PRR16: variants seen among roughly 807,000 people sequenced by gnomAD.
The protein encoded by PRR16 is proline rich 16.
A neutral mutation model predicts 18.2 loss-of-function variants in PRR16; 6 were observed. The ratio of observed to expected loss-of-function variants is 0.33; its 90% CI spans 0.18 to 0.65. The LOEUF (loss-of-function observed/expected upper bound fraction) is 0.65. PRR16 is among the 30% of genes least tolerant of loss of function. The probability of loss-of-function intolerance (pLI) is 0.74; values close to 1 mark genes in which losing one functional copy is unlikely to be tolerated. For synonymous variants in PRR16, 151 were observed against 147.8 expected (o/e 1.02, Z -0.16); for missense variants, 412 against 376.6 (o/e 1.09, Z -0.78).
chr5:120,514,633 C>T (rs1475137059), intron 1 of PRR16, among the ~76,000 whole-genome samples: 1 of 152,198 alleles, frequency 6.6e-6, no homozygotes, highest in Non-Finnish European at 1.5e-5. Flanking sequence ...ATAAGACAGA[C>T]ACAATTTCAC....
intron 1 of PRR16, among the ~76,000 whole-genome samples, chr5:120,466,809 ATT>A (rs1451064039): frequency 6.6e-6 from 1 of 152,138 alleles, no homozygotes; most frequent in Non-Finnish European, 1.5e-5. Flanking sequence ...ATTTTGGAAG[ATT>A]TGTTTGTCTT....
At chr5:120,490,950 G>A (rs893015489) in intron 1 of PRR16, among the ~76,000 whole-genome samples, 15 of 152,176 alleles carry the variant, frequency 9.9e-5, no homozygotes, top group African/African-American at 3.4e-4. Flanking sequence ...TATCAGCAGC[G>A]GAGGCTGCAC....
intron 1 of PRR16, among the ~76,000 whole-genome samples, chr5:120,566,585 C>T (rs1752745831): frequency 6.6e-6 from 1 of 152,006 alleles, no homozygotes; most frequent in African/African-American, 2.4e-5. Flanking sequence ...TATTTTAGAT[C>T]ACTGATTTCA....
intron 1 of PRR16, among the ~76,000 whole-genome samples, chr5:120,553,538 T>C (rs1054407150): frequency 6.6e-6 from 1 of 151,954 alleles, no homozygotes; most frequent in African/African-American, 2.4e-5. Flanking sequence ...GTAAGATCAT[T>C]AGATCATTAT....
chr5:120,747,915 C>T, the PRR16 span, among the ~76,000 whole-genome samples: 1 of 152,000 alleles, frequency 6.6e-6, no homozygotes, highest in Non-Finnish European at 1.5e-5. Flanking sequence ...ATTAGAAAAT[C>T]TACATTTTGT....
chr5:120,544,943 A>T (rs1752030432), intron 1 of PRR16, among the ~76,000 whole-genome samples: 1 of 152,106 alleles, frequency 6.6e-6, no homozygotes, highest in Non-Finnish European at 1.5e-5. Context: ...CTCACAAGTG[A>T]TTTTCTCAGC....
At chr5:120,537,767 ATGT>A (rs1288349179) in intron 1 of PRR16, among the ~76,000 whole-genome samples, 8 of 57,268 alleles carry the variant, frequency 1.4e-4, no homozygotes, top group African/African-American at 4.3e-4. Flanking sequence ...GGAATTTTTA[ATGT>A]TTTTTTTTTT....
the PRR16 span, among the ~76,000 whole-genome samples, chr5:120,701,335 G>A: frequency 6.6e-6 from 1 of 152,132 alleles, no homozygotes; most frequent in African/African-American, 2.4e-5. Flanking sequence ...ACCTTTTAGG[G>A]TCTAGGGCTG....
chr5:120,482,984 C>A (rs1278006581), intron 1 of PRR16, among the ~76,000 whole-genome samples: 2 of 152,078 alleles, frequency 1.3e-5, no homozygotes, highest in African/African-American at 4.8e-5. Flanking sequence ...TTTTAGAATT[C>A]AACTATATTA....
chr5:120,732,791 C>T, the PRR16 span, among the ~76,000 whole-genome samples: 1 of 152,070 alleles, frequency 6.6e-6, no homozygotes, highest in Non-Finnish European at 1.5e-5. Context: ...AGTACAGTGG[C>T]AGATTCTAAT....
chr5:120,515,373 T>A (rs953533569), intron 1 of PRR16, among the ~76,000 whole-genome samples: 4 of 152,144 alleles, frequency 2.6e-5, no homozygotes, highest in Admixed American at 2.0e-4. Context: ...GGGAGACACA[T>A]TCAAACCATA....
In PRR16 at chr5:120,669,336, G is replaced by C. The variant is rs550489573; in HGVS notation, c.160-16618G>C. On this transcript the variant is annotated intron_variant, in intron 1 of 1. Coordinates refer to ENST00000407149, the MANE Select transcript of PRR16 (RefSeq NM_001300783.2). ...CCCTCTTTACCATAGTTCCCTGCTT[G>C]ATGGTGGTGTGTTCATACACCTCCC... Among the ~76,000 whole-genome samples, 33 of 152,100 alleles carry C rather than the reference G, an allele frequency of 2.2e-4. No individual in the cohort carries two copies. In the South Asian group the frequency reaches 6.4e-3, roughly 30 times the overall value.
At chr5:120,750,662 A>G in the PRR16 span, among the ~76,000 whole-genome samples, 253 of 149,142 alleles carry the variant, frequency 1.7e-3, 2 homozygotes, top group African/African-American at 6.1e-3. Flanking sequence ...GTGAGACTCC[A>G]TCTCAAAAAA....
chr5:120,530,320 TAC>T (rs1458048531), intron 1 of PRR16, among the ~76,000 whole-genome samples: 1 of 146,428 alleles, frequency 6.8e-6, no homozygotes, highest in African/African-American at 2.5e-5. Context: ...TATATTTTAC[TAC>T]ACACACTGCA....
intron 1 of PRR16, among the ~76,000 whole-genome samples, chr5:120,515,350 A>G (rs1189995343): frequency 1.3e-5 from 2 of 152,182 alleles, no homozygotes; most frequent in African/African-American, 4.8e-5. Context: ...TAAGTTTCCA[A>G]CACTTAAGCT....
At chr5:120,734,282 G>A in the PRR16 span, among the ~76,000 whole-genome samples, 1 of 152,176 alleles carries the variant, frequency 6.6e-6, no homozygotes, top group Non-Finnish European at 1.5e-5. Context: ...CAGGAGTGAG[G>A]AGGGAAGAGG....
intron 1 of PRR16, among the ~76,000 whole-genome samples, chr5:120,518,645 A>G (rs1751075074): frequency 6.6e-6 from 1 of 151,750 alleles, no homozygotes; most frequent in East Asian, 1.9e-4. Context: ...TTTCCTGGAC[A>G]TGTGGCCTTC....
At chr5:120,768,649 T>C in the PRR16 span, among the ~76,000 whole-genome samples, 2 of 151,896 alleles carry the variant, frequency 1.3e-5, no homozygotes, top group Admixed American at 1.3e-4. Flanking sequence ...AACAAAGGTT[T>C]GCAGAATTAT....
In PRR16 at chr5:120,686,184, A is replaced by G. The variant is rs1429182961; in HGVS notation, c.390A>G (p.Thr130=). 1.2e-6 allele frequency: 2 copies of G among 1,614,112 alleles called. No individual in the cohort carries two copies. Among genetic ancestry groups the G allele is most frequent in the Non-Finnish European group, 1.7e-6 (2 of 1,180,016 alleles). The change falls in exon 2 of 2, where the codon ACA becomes ACG. Residue 130 remains threonine, a synonymous_variant. Transcript: ENST00000407149. ...CTCCACCACCTCCTCCAAGGTTGAC[A>G]CCTGTGAAGTGTGAAGACCCCAAAA... ...PNPPPPPPRL[T]PVKCEDPKRV... is the part of the protein sequence containing the mutation.
Sources: gnomAD v4.1 joint callset for allele counts (sites outside exome capture counted in the v4.1 genomes callset) on GRCh38, gnomAD v4.1.1 for gene constraint, MANE v1.5 for transcripts, NCBI Gene and HGNC (gene_info 2026-07-23, HGNC 2026-07-21) for gene names.